The following RARA variants were observed in gnomAD, a reference collection of about 807,000 sequenced individuals.
RARA encodes the protein PML-DDX5-RARA fusion.
A neutral mutation model predicts 42.8 loss-of-function variants in RARA; 5 were observed. The observed-to-expected ratio is 0.12, with a 90% CI of 0.06 to 0.25. RARA has a LOEUF of 0.25. RARA is among the 10% of genes least tolerant of loss of function. The pLI is 1.00. For synonymous variants in RARA, 256 were observed against 259.5 expected (o/e 0.99, Z 0.13); for missense variants, 402 against 628.7 (o/e 0.64, Z 3.86).
intron 1 of RARA, among the ~76,000 whole-genome samples, chr17:40,319,437 T>C (rs1426667910): frequency 6.6e-6 from 1 of 152,220 alleles, no homozygotes; most frequent in Non-Finnish European, 1.5e-5. Flanking sequence ...CTCTGTCTTC[T>C]GTAACCAGGT....
In RARA at chr17:40,352,184, C is replaced by A. The variant is rs957936073; in HGVS notation, c.630+114C>A. On this transcript the variant is annotated intron_variant, in intron 5 of 8. Transcript: ENST00000254066. The surrounding 1 kb of genome is among the most constrained non-coding windows in gnomAD (Gnocchi z 4.9). ...GGCAAGATCTCTGCGTCCTTCCCTTCCCCTCTCTTCTCCCTCCTCCTGCTG... is the reference window on the plus strand; with the variant it reads ...GGCAAGATCTCTGCGTCCTTCCCTTACCCTCTCTTCTCCCTCCTCCTGCTG... The A allele has an allele frequency of 1.5e-5, 22 of 1,484,482 alleles. No individual in the cohort carries two copies. The African/African-American group carries it at 2.8e-4, about 19-fold the overall frequency. The allele number at this position is 1,484,482 out of a possible 1,614,324, so 92.0% of individuals were successfully genotyped here. A position where few individuals can be genotyped will look rare whatever the true frequency, so the allele number is the denominator to read the frequency against.
At chr17:40,311,101 A>G (rs1177625993) in intron 1 of RARA, among the ~76,000 whole-genome samples, 2 of 151,840 alleles carry the variant, frequency 1.3e-5, no homozygotes, top group Non-Finnish European at 2.9e-5. Context: ...TCCTTCTGCC[A>G]TCCCTGCTTG....
rs1249371930 is a variant in RARA at position 40,321,823 on chromosome 17, A to AC, written c.-362-9027dup. Among the ~76,000 whole-genome samples the AC allele has an allele frequency of 4.0e-5, 6 of 151,432 alleles. No individual in the cohort carries two copies. In the East Asian group the frequency reaches 1.2e-3, roughly 30 times the overall value. ...GTAATTTCTGCAGCTAGGCAACTCC[A>AC]CCCCCCCAACTGGATATGCCTTTCC... On this transcript the variant is annotated intron_variant, in intron 1 of 8. Coordinates refer to ENST00000254066, the MANE Select transcript of RARA (RefSeq NM_000964.4).
chr17:40,330,124 A>C (rs1481171878), intron 1 of RARA, among the ~76,000 whole-genome samples: 3 of 152,122 alleles, frequency 2.0e-5, no homozygotes, highest in Non-Finnish European at 4.4e-5. Context: ...ACCCCAGTTC[A>C]TGTGTTTTGC....
intron 2 of RARA, among the ~76,000 whole-genome samples, chr17:40,337,285 G>C (rs534534222): frequency 6.6e-6 from 1 of 152,192 alleles, no homozygotes; most frequent in Non-Finnish European, 1.5e-5. Flanking sequence ...AAGTGTGGGG[G>C]GTGGGGCTTA....
rs2034232669 is a variant in RARA, at chr17:40,345,479, G to C, written c.179-2837G>C. On this transcript the variant is annotated intron_variant, in intron 2 of 8. Transcript: ENST00000254066. This position sits in a 1 kb window ranked among gnomAD's most constrained non-coding sequence, Gnocchi z 4.8. ...AAACCGGCCCCTTGTGCGAGCCTGC[G>C]AACGGCTCGGGGGCGTGGGGAATCC... is the stretch of plus-strand genomic sequence containing the variant. 6.6e-6 allele frequency among the ~76,000 whole-genome samples: 1 copy of C among 152,364 alleles called. No individual in the cohort carries two copies. Among genetic ancestry groups the C allele is most frequent in the East Asian group, 1.9e-4 (1 of 5,184 alleles).
chr17:40,315,386 C>T (rs903090073), intron 1 of RARA, among the ~76,000 whole-genome samples: 13 of 151,662 alleles, frequency 8.6e-5, no homozygotes, highest in South Asian at 8.3e-4. Context: ...AGCTGTATGA[C>T]GTTGAGGAAG....
intron 1 of RARA, among the ~76,000 whole-genome samples, chr17:40,315,122 GC>G (rs2033170593): frequency 2.1e-5 from 1 of 47,994 alleles, no homozygotes. Flanking sequence ...ATATATATAT[GC>G]TTATATGTGT....
intron 1 of RARA, among the ~76,000 whole-genome samples, chr17:40,318,989 T>C (rs2033290373): frequency 6.6e-6 from 1 of 152,114 alleles, no homozygotes; most frequent in African/African-American, 2.4e-5. Flanking sequence ...CGGGAGCCAA[T>C]GCAGTATGTG....
At chr17:40,336,796 A>G (rs2033864401) in intron 2 of RARA, among the ~76,000 whole-genome samples, 1 of 151,722 alleles carries the variant, frequency 6.6e-6, no homozygotes, top group Admixed American at 6.6e-5. Context: ...CCCGGGCTCA[A>G]GCGATTCTCC....
Position 40,355,394 on chromosome 17 carries a change from A to G in RARA, c.1144A>G (p.Thr382Ala). Residue 382 changes from threonine (T) to alanine (A), a missense_variant, in exon 8 of 9, where the codon ACT becomes GCT. Thr to Ala is a moderately conservative substitution (Grantham distance 58). Coordinates refer to ENST00000254066, the MANE Select transcript of RARA (RefSeq NM_000964.4). This position sits in a 1 kb window ranked among gnomAD's most constrained non-coding sequence, Gnocchi z 4.1. ...GTTCCCCAAGATGCTAATGAAGATTACTGACCTGCGAAGCATCAGCGCCAA... is the reference window on the plus strand; with the variant it reads ...GTTCCCCAAGATGCTAATGAAGATTGCTGACCTGCGAAGCATCAGCGCCAA... ...HMFPKMLMKITDLRSISAKGA... is the reference protein window; with the variant it reads ...HMFPKMLMKIADLRSISAKGA... The G allele has an allele frequency of 6.2e-7, 1 of 1,613,964 alleles. No individual in the cohort carries two copies. Among genetic ancestry groups the G allele is most frequent in the Non-Finnish European group, 8.5e-7 (1 of 1,179,912 alleles).
chr17:40,342,723 G>T lies in RARA; in HGVS notation c.179-5593G>T, dbSNP rs149514124. 1.4e-4 allele frequency: 224 copies of T among 1,612,030 alleles called. 1 individual carries two copies. In the East Asian group the frequency reaches 3.5e-3, roughly 25 times the overall value. ...GGGAAAGATGTACGAGAGTGTAGAA[G>T]TGGGGGGTCCCACCCCTAATCCCTT... On this transcript the variant is annotated intron_variant, in intron 2 of 8. Coordinates refer to ENST00000254066, the MANE Select transcript of RARA (RefSeq NM_000964.4).
In RARA at chr17:40,355,289, C is replaced by T. The variant is rs138717943; in HGVS notation, c.1039C>T (p.Arg347Trp). ...CCGCCAGGACCTGGAGCAGCCGGACCGGGTGGACATGCTGCAGGAGCCGCT... is the reference window on the plus strand; with the variant it reads ...CCGCCAGGACCTGGAGCAGCCGGACTGGGTGGACATGCTGCAGGAGCCGCT... ...GDRQDLEQPD[R>W]VDMLQEPLLE... Residue 347 changes from arginine (R) to tryptophan (W), a missense_variant, in exon 8 of 9, where the codon CGG (arginine) becomes TGG (tryptophan). Around this residue, in one of 5 missense-constraint regions of RARA, gnomAD observed 104 missense variants for 160.1 expected, o/e 0.65. Coordinates refer to ENST00000254066, the MANE Select transcript of RARA (RefSeq NM_000964.4). This position sits in a 1 kb window ranked among gnomAD's most constrained non-coding sequence, Gnocchi z 4.1. 3 of 1,592,546 alleles carry T rather than the reference C, an allele frequency of 1.9e-6. No individual in the cohort carries two copies. Among genetic ancestry groups the T allele is most frequent in the Non-Finnish European group, 2.6e-6 (3 of 1,169,306 alleles).
At chr17:40,317,383 A>G (rs972651132) in intron 1 of RARA, among the ~76,000 whole-genome samples, 1 of 152,172 alleles carries the variant, frequency 6.6e-6, no homozygotes, top group African/African-American at 2.4e-5. Flanking sequence ...GAGGGGGGTC[A>G]TGACTGTATT....
chr17:40,341,041 C>G, intron 2 of RARA: 2 of 400,598 alleles, frequency 5.0e-6, no homozygotes, highest in Non-Finnish European at 8.8e-6. Flanking sequence ...GTAGCATGTA[C>G]ATTTCCATCC....
intron 2 of RARA, among the ~76,000 whole-genome samples, chr17:40,343,323 G>C (rs1345108782): frequency 6.6e-6 from 1 of 152,202 alleles, no homozygotes; most frequent in African/African-American, 2.4e-5. Flanking sequence ...CTTCCTGTGC[G>C]ACAGCTGCTG....
intron 6 of RARA, among the ~76,000 whole-genome samples, chr17:40,353,180 T>A (rs1456203575): frequency 6.6e-6 from 1 of 151,816 alleles, no homozygotes; most frequent in African/African-American, 2.4e-5. Flanking sequence ...TAGCCCTAAC[T>A]CAGGAGCAGG....
chr17:40,354,528 G>A lies in RARA; in HGVS notation c.1012+22G>A, dbSNP rs761283736. ...GGAGGTGGGCAGGGGGCCTGGGTCTGGGGGCTGGGCTGGGACGGGGGTGCA... is the reference window on the plus strand; with the variant it reads ...GGAGGTGGGCAGGGGGCCTGGGTCTAGGGGCTGGGCTGGGACGGGGGTGCA... On this transcript the variant is annotated intron_variant, in intron 7 of 8. Transcript: ENST00000254066. This position sits in a 1 kb window ranked among gnomAD's most constrained non-coding sequence, Gnocchi z 4.5. 3.1e-6 allele frequency: 5 copies of A among 1,609,494 alleles called. No individual in the cohort carries two copies. In the African/African-American group the frequency reaches 6.7e-5, roughly 22 times the overall value.
chr17:40,315,612 T>A (rs962324755), intron 1 of RARA, among the ~76,000 whole-genome samples: 1 of 152,076 alleles, frequency 6.6e-6, no homozygotes, highest in African/African-American at 2.4e-5. Flanking sequence ...GCCAATTGCT[T>A]CTCATCATCT....
Sources: gnomAD v4.1 joint callset for allele counts (sites outside exome capture counted in the v4.1 genomes callset) on GRCh38, gnomAD v4.1.1 for gene constraint, gnomAD v4.1.1 regional missense constraint, Gnocchi (gnomAD v3.1) non-coding constraint, MANE v1.5 for transcripts, NCBI Gene and HGNC (gene_info 2026-07-23, HGNC 2026-07-21) for gene names.